The following ANKRD30A variants were observed in gnomAD, a reference collection of about 807,000 sequenced individuals.
The protein encoded by ANKRD30A is ankyrin repeat domain 30A, also known as ankyrin repeat domain-containing protein 30A.
A neutral mutation model predicts 166.3 loss-of-function variants in ANKRD30A; 170 were observed. The ratio of observed to expected loss-of-function variants is 1.02; its 90% CI spans 0.90 to 1.16. The LOEUF (loss-of-function observed/expected upper bound fraction) is 1.16, where lower values mean the gene tolerates loss of function less well. Among genes scored for constraint, ANKRD30A ranks in the 50% most tolerant of loss-of-function variants. ANKRD30A has a pLI of 0.00. For missense variants in ANKRD30A, 1,630 were observed against 1,518.0 expected (o/e 1.07, Z -1.23); for synonymous variants, 564 against 508.9 (o/e 1.11, Z -1.46).
chr10:37,157,851 C>A (rs1352414903), intron 13 of ANKRD30A, among the ~76,000 whole-genome samples: 1 of 152,128 alleles, frequency 6.6e-6, no homozygotes, highest in Non-Finnish European at 1.5e-5. Context: ...AAATTTAGAA[C>A]CTTCTCTGCA....
intron 31 of ANKRD30A, among the ~76,000 whole-genome samples, chr10:37,202,222 A>G (rs1841669557): frequency 6.6e-6 from 1 of 152,164 alleles, no homozygotes; most frequent in African/African-American, 2.4e-5. Flanking sequence ...AACGCAATAG[A>G]AATTGTAGAT....
chr10:37,154,001 A>G lies in ANKRD30A; in HGVS notation c.1798+339A>G, dbSNP rs17606214. Among the ~76,000 whole-genome samples, 3 of 152,332 alleles carry G rather than the reference A, an allele frequency of 2.0e-5. No homozygotes were observed. In the South Asian group the frequency reaches 6.2e-4, roughly 32 times the overall value. On this transcript the variant is annotated intron_variant, in intron 13 of 35. Coordinates refer to ENST00000361713, the MANE Select transcript of ANKRD30A (RefSeq NM_052997.3). ...ATGAAGGAACAAGAAGCAGGTTTAT[A>G]TAGTGGAGGATGATAAAATGAAATG... is the stretch of plus-strand genomic sequence containing the variant.
chr10:37,179,403 AT>A (rs1404691630), intron 24 of ANKRD30A, among the ~76,000 whole-genome samples: 1 of 150,548 alleles, frequency 6.6e-6, no homozygotes, highest in Non-Finnish European at 1.5e-5. Context: ...TCCTGATGAG[AT>A]TTGTACATCT....
chr10:37,130,315 T>C lies in ANKRD30A; in HGVS notation c.447T>C (p.Ser149=), dbSNP rs1303241958. 1 of 1,593,004 alleles carries C rather than the reference T, an allele frequency of 6.3e-7. No homozygotes were observed. Among genetic ancestry groups the C allele is most frequent in the East Asian group, 2.3e-5 (1 of 42,792 alleles). Residue 149 remains serine (S), a synonymous_variant, in exon 3 of 36, where the codon AGT becomes AGC. Transcript: ENST00000361713. ...CGGCTCTCCATTATGCTGTTTATAG[T>C]GAGATTTTGTCAGTGGTGGCAAAAC... is the stretch of plus-strand genomic sequence containing the variant. ...GNTALHYAVY[S]EILSVVAKLL...
the ANKRD30A span, among the ~76,000 whole-genome samples, chr10:37,262,756 C>G: frequency 6.6e-6 from 1 of 152,140 alleles, no homozygotes; most frequent in Non-Finnish European, 1.5e-5. Context: ...AAGCTAACAA[C>G]AGTCATCTCA....
intron 27 of ANKRD30A, among the ~76,000 whole-genome samples, chr10:37,196,131 G>T (rs186479683): frequency 4.3e-4 from 60 of 139,668 alleles, no homozygotes; most frequent in Middle Eastern, 4.5e-3. Context: ...AGCATTCTAG[G>T]CAGGTAACAG....
chr10:37,229,593 T>C (rs1205177634), intron 34 of ANKRD30A, among the ~76,000 whole-genome samples: 1 of 151,948 alleles, frequency 6.6e-6, no homozygotes, highest in Non-Finnish European at 1.5e-5. Flanking sequence ...ACACCAGAAC[T>C]CATCCTCCTA....
At chr10:37,141,627 G>C in intron 6 of ANKRD30A, 91 bp from the exon 7 acceptor site, 2 of 1,416,062 alleles carry the variant, frequency 1.4e-6, no homozygotes, top group Non-Finnish European at 1.9e-6. Flanking sequence ...TTTAAGGAAA[G>C]CATACAGAAT....
chr10:37,150,075 T>G (rs1782517079), intron 11 of ANKRD30A, among the ~76,000 whole-genome samples: 1 of 152,070 alleles, frequency 6.6e-6, no homozygotes, highest in African/African-American at 2.4e-5. Flanking sequence ...TACTTTTGTA[T>G]CCCGAAACTG....
chr10:37,159,287 C>A (rs567518436), intron 15 of ANKRD30A, among the ~76,000 whole-genome samples: 1 of 152,038 alleles, frequency 6.6e-6, no homozygotes, highest in East Asian at 1.9e-4. Flanking sequence ...GAGACAAAGG[C>A]GGGCAGATAA....
chr10:37,225,748 A>T (rs1588959243), intron 34 of ANKRD30A, among the ~76,000 whole-genome samples: 1 of 151,832 alleles, frequency 6.6e-6, no homozygotes, highest in Non-Finnish European at 1.5e-5. Context: ...AGCAAGCAGT[A>T]CGCCATCCTA....
At chr10:37,246,008 A>G in the ANKRD30A span, among the ~76,000 whole-genome samples, 1 of 152,158 alleles carries the variant, frequency 6.6e-6, no homozygotes, top group Non-Finnish European at 1.5e-5. Context: ...ACTCAGGATA[A>G]TTTCCCTACT....
At chr10:37,220,065 A>G (rs1842834495) in intron 34 of ANKRD30A, among the ~76,000 whole-genome samples, 168 bp downstream of exon 34, 1 of 143,898 alleles carries the variant, frequency 6.9e-6, no homozygotes, top group Non-Finnish European at 1.5e-5. Context: ...AAATGCACTT[A>G]CTATATCAGC....
intron 34 of ANKRD30A, among the ~76,000 whole-genome samples, chr10:37,221,581 ATAGT>A (rs769897262): frequency 2.8e-4 from 43 of 151,488 alleles, no homozygotes; most frequent in African/African-American, 8.9e-4. Context: ...ATATGTCATT[ATAGT>A]TAGTTTTGTT....
intron 25 of ANKRD30A, among the ~76,000 whole-genome samples, chr10:37,192,530 G>A (rs1055675576): frequency 2.0e-5 from 3 of 152,044 alleles, no homozygotes; most frequent in Non-Finnish European, 2.9e-5. Flanking sequence ...AACATTCTCT[G>A]CAATGATAAG....
intron 13 of ANKRD30A, among the ~76,000 whole-genome samples, chr10:37,155,069 C>T (rs1482963553): frequency 3.9e-5 from 6 of 151,992 alleles, no homozygotes; most frequent in East Asian, 1.9e-4. Context: ...ACATGATACA[C>T]GAAACCAGAC....
chr10:37,202,231 A>G (rs898448851), intron 31 of ANKRD30A, among the ~76,000 whole-genome samples: 28 of 151,754 alleles, frequency 1.8e-4, no homozygotes, highest in African/African-American at 5.8e-4. Context: ...GAAATTGTAG[A>G]TGGAAGTAAA....
chr10:37,167,876 C>A (rs1839485402), intron 19 of ANKRD30A, among the ~76,000 whole-genome samples: 1 of 134,832 alleles, frequency 7.4e-6, no homozygotes, highest in African/African-American at 2.9e-5. Flanking sequence ...TTCTCAATGA[C>A]AGGACATATT....
chr10:37,203,224 C>A (rs1841768054), intron 31 of ANKRD30A, among the ~76,000 whole-genome samples: 1 of 152,134 alleles, frequency 6.6e-6, no homozygotes, highest in African/African-American at 2.4e-5. Context: ...AACATCAATG[C>A]AAAAATCCTC....
Sources: gnomAD v4.1 joint callset for allele counts (sites outside exome capture counted in the v4.1 genomes callset) on GRCh38, gnomAD v4.1.1 for gene constraint, MANE v1.5 for transcripts, NCBI Gene and HGNC (gene_info 2026-07-23, HGNC 2026-07-21) for gene names.